PRR14L: variants seen among roughly 807,000 people sequenced by gnomAD.
PRR14L encodes proline rich 14 like.
Under a neutral mutation model 155.0 loss-of-function variants are expected in PRR14L, and 80 were observed. The ratio of observed to expected loss-of-function variants is 0.52; its 90% CI spans 0.43 to 0.62. The LOEUF (loss-of-function observed/expected upper bound fraction) is 0.62, where lower values mean the gene tolerates loss of function less well. Among genes scored for constraint, PRR14L ranks in the 20% least tolerant of loss-of-function variants. The pLI is 0.00. For synonymous variants in PRR14L, 883 were observed against 916.0 expected, an observed-to-expected ratio of 0.96 and a Z score of 0.65; for missense variants, 2,469 against 2,548.0, an observed-to-expected ratio of 0.97 and a Z score of 0.67.
rs2074564093 is a variant in PRR14L at position 31,701,707 on chromosome 22, A to G, written c.6056T>C (p.Ile2019Thr). The G allele has an allele frequency of 6.2e-7, 1 of 1,614,124 alleles. No homozygotes were observed. Among genetic ancestry groups the G allele is most frequent in the Non-Finnish European group, 8.5e-7 (1 of 1,179,994 alleles). Reference protein sequence around the residue: ...KVSQIRIRKTIPRPDPNLTPM... With the variant: ...KVSQIRIRKTTPRPDPNLTPM... ...GGTAAGATTAGGATCTGGCCTAGGAATGGTTTTCCGGATGCGAATCTGTGA... is the reference window on the plus strand; with the variant it reads ...GGTAAGATTAGGATCTGGCCTAGGAGTGGTTTTCCGGATGCGAATCTGTGA... The change falls in exon 7 of 9, where the codon ATT (isoleucine) becomes ACT (threonine). Residue 2019 changes from isoleucine to threonine, a missense_variant. By Grantham distance (89) the Ile-to-Thr change is moderately conservative. Coordinates refer to ENST00000327423, the MANE Select transcript of PRR14L (RefSeq NM_173566.3).
intron 7 of PRR14L, among the ~76,000 whole-genome samples, chr22:31,692,456 T>C (rs181983625): frequency 2.0e-5 from 3 of 152,332 alleles, no homozygotes; most frequent in Admixed American, 1.3e-4. Flanking sequence ...TGTGGGCCAT[T>C]TGTCTATCTT....
intron 1 of PRR14L, among the ~76,000 whole-genome samples, chr22:31,745,344 T>A (rs1329776879): frequency 6.6e-6 from 1 of 151,952 alleles, no homozygotes; most frequent in Non-Finnish European, 1.5e-5. Context: ...GCCACTGCAC[T>A]CCAGCCTGGG....
At position 31,684,356 on chromosome 22, in the gene PRR14L, C is replaced by A. The variant is rs1454088993; in HGVS notation, c.*1171G>T. 2 of 152,202 alleles carry A rather than the reference C, an allele frequency of 1.3e-5. No homozygotes were observed. The highest frequency in any genetic ancestry group is 2.9e-5 in the Non-Finnish European group (2 of 68,064). 9.4% of individuals were successfully genotyped at this position (152,202 alleles called of 1,614,324 possible). On this transcript the variant is annotated 3_prime_UTR_variant, in exon 9 of 9. Coordinates refer to ENST00000327423, the MANE Select transcript of PRR14L (RefSeq NM_173566.3). Reference sequence around the variant, plus strand: ...ACACATCTCTGGGTCTGAAACATGACCCCGACTCTCTCCCCACACTTGAAG... The same window carrying A: ...ACACATCTCTGGGTCTGAAACATGAACCCGACTCTCTCCCCACACTTGAAG...
intron 1 of PRR14L, among the ~76,000 whole-genome samples, chr22:31,748,352 G>A (rs1266347686): frequency 1.3e-5 from 2 of 152,188 alleles, no homozygotes; most frequent in Non-Finnish European, 2.9e-5. Flanking sequence ...TCAACATGGA[G>A]CGTGCAGAAA....
rs574613169 is a variant in PRR14L at position 31,745,853 on chromosome 22, A to ATAT, written c.-52+4139_-52+4140insATA. On this transcript the variant is annotated intron_variant, in intron 1 of 8. Coordinates refer to ENST00000327423, the MANE Select transcript of PRR14L (RefSeq NM_173566.3). ...GAGGGAGACTCAGTTTAAAAAAAAA[A>ATAT]AAAAAAAAATATATATATATATATA... Among the ~76,000 whole-genome samples the ATAT allele has an allele frequency of 3.7e-3, 534 of 145,964 alleles. 1 individual carries two copies. The highest frequency in any genetic ancestry group is 0.013 in the East Asian group (67 of 5,054).
chr22:31,698,578 T>C lies in PRR14L; in HGVS notation c.6107+3078A>G, dbSNP rs921152968. 6.0e-5 allele frequency among the ~76,000 whole-genome samples: 9 copies of C among 151,074 alleles called. No individual in the cohort carries two copies. In the East Asian group the frequency reaches 7.8e-4, roughly 13 times the overall value. On this transcript the variant is annotated intron_variant, in intron 7 of 8. Transcript: ENST00000327423. ...AATCATTGAGACTTATATAAATCAA[T>C]AGATTTAGTTCTGATTTTTACAATA... is the stretch of plus-strand genomic sequence containing the variant.
chr22:31,740,354 G>A (rs1253352180), intron 1 of PRR14L, among the ~76,000 whole-genome samples: 1 of 152,136 alleles, frequency 6.6e-6, no homozygotes, highest in Admixed American at 6.6e-5. Context: ...AGAGTAGCTG[G>A]GACTACAGGC....
chr22:31,741,961 G>T (rs2074815375), intron 1 of PRR14L, among the ~76,000 whole-genome samples: 1 of 152,072 alleles, frequency 6.6e-6, no homozygotes, highest in South Asian at 2.1e-4. Flanking sequence ...TCTTTCTAGG[G>T]GCACTTCAGA....
chr22:31,704,449 A>T (rs1229383256), intron 5 of PRR14L: 2 of 401,782 alleles, frequency 5.0e-6, no homozygotes, highest in Non-Finnish European at 9.0e-6. Context: ...TTTTTAACAA[A>T]TTGTATTATT....
chr22:31,744,020 T>TAAAA (rs750855516), intron 1 of PRR14L, among the ~76,000 whole-genome samples: 1 of 131,788 alleles, frequency 7.6e-6, no homozygotes. Flanking sequence ...GCTCATTCAT[T>TAAAA]AAAAAAAAAA....
rs987026798 is a variant in PRR14L at position 31,715,554 on chromosome 22, T to C, written c.2285A>G (p.Lys762Arg). The C allele has an allele frequency of 1.4e-5, 21 of 1,552,148 alleles. No homozygotes were observed. The highest frequency in any genetic ancestry group is 9.8e-5 in the East Asian group (4 of 40,926). ...TTGAGGAAAGCCAGCTGCTTCTCTC[T>C]TATTTGAGCGCAGCCTGGAATGTAG... Reference protein sequence around the residue: ...KALHSRLRSNKREAAGFPQVV... With the variant: ...KALHSRLRSNRREAAGFPQVV... The change falls in exon 4 of 9, where the codon AAG becomes AGG. Residue 762 changes from lysine (K) to arginine (R), a missense_variant. Transcript: ENST00000327423.
rs1303765440 is a variant in PRR14L, at chr22:31,713,049, G to A, written c.4790C>T (p.Pro1597Leu). The stretch of plus-strand genomic sequence containing the variant: ...ATTCAGGCTCCTCAAGGGATGGCAC[G>A]GTGTAGACATCTGCTTTGGTATGTG... ...VSHIPKQMST[P>L]CHPLRSLNFR... The change falls in exon 4 of 9, where the codon CCG becomes CTG. Residue 1597 changes from proline to leucine, a missense_variant. Around this residue, in one of 2 missense-constraint regions of PRR14L, gnomAD observed 2,363 missense variants for 2,371.6 expected, o/e 1.00. Coordinates refer to ENST00000327423, the MANE Select transcript of PRR14L (RefSeq NM_173566.3). 11 of 1,552,160 alleles carry A rather than the reference G, an allele frequency of 7.1e-6. 1 individual carries two copies. Among genetic ancestry groups the A allele is most frequent in the Middle Eastern group, 3.3e-4 (2 of 6,018 alleles).
At chr22:31,737,636 A>G (rs117118706) in intron 2 of PRR14L, among the ~76,000 whole-genome samples, 4,363 of 151,960 alleles carry the variant, frequency 0.029, 95 homozygotes, top group South Asian at 0.064. Context: ...AAAAAAAAAA[A>G]AAGAAGAAAA....
At chr22:31,746,094 A>G (rs1171711612) in intron 1 of PRR14L, among the ~76,000 whole-genome samples, 2 of 151,984 alleles carry the variant, frequency 1.3e-5, no homozygotes, top group African/African-American at 4.8e-5. Context: ...TGAACCCAGC[A>G]AATATTTTTA....
chr22:31,714,941 TG>T lies in PRR14L; in HGVS notation c.2897del (p.Ala966GlufsTer28). On this transcript the variant is annotated frameshift_variant, in exon 4 of 9. Transcript: ENST00000327423. LOFTEE classifies it high-confidence loss of function. ...VKSVETLDQK[A>X]DEVLDCQSNQ... ...TACTCTGACAGTCAAGGACTTCATC[TG>T]CCTTCTGATCGAGTGTTTCAACTGA... The T allele has an allele frequency of 6.4e-7, 1 of 1,552,064 alleles. No individual in the cohort carries two copies. Among genetic ancestry groups the T allele is most frequent in the Non-Finnish European group, 8.7e-7 (1 of 1,147,036 alleles).
At chr22:31,745,860 A>AT (rs1332578968) in intron 1 of PRR14L, among the ~76,000 whole-genome samples, 388 of 141,050 alleles carry the variant, frequency 2.8e-3, no homozygotes, top group Middle Eastern at 7.2e-3. Flanking sequence ...AAAAAAAAAA[A>AT]AATATATATA....
chr22:31,695,699 GGTT>G (rs1002075798), intron 7 of PRR14L, among the ~76,000 whole-genome samples: 43 of 152,228 alleles, frequency 2.8e-4, no homozygotes, highest in African/African-American at 8.9e-4. Context: ...TTGAGAAGGT[GGTT>G]GTTATTTCCT....
rs946896292 is a variant in PRR14L at position 31,712,922 on chromosome 22, C to A, written c.4917G>T (p.Arg1639=). The A allele has an allele frequency of 1.3e-6, 2 of 1,551,738 alleles. No homozygotes were observed. The highest frequency in any genetic ancestry group is 1.4e-5 in the African/African-American group (1 of 73,036). ...AMKTQKLRYR[R]CSSELLPMAK... ...CCATTGGAAGAAGTTCAGAGGAACA[C>A]CGTCGGTATCTTAGCTTCTGAGTCT... Residue 1639 remains arginine (R), a synonymous_variant, in exon 4 of 9, where the codon CGG becomes CGT. Transcript: ENST00000327423.
rs1350728532 is a variant in PRR14L at position 31,738,789 on chromosome 22, T to C, written c.72A>G (p.Leu24=). The C allele has an allele frequency of 6.4e-7, 1 of 1,551,498 alleles. No homozygotes were observed. Among genetic ancestry groups the C allele is most frequent in the Admixed American group, 2.0e-5 (1 of 50,984 alleles). The change falls in exon 2 of 9, where the codon TTA becomes TTG. Residue 24 remains leucine, a synonymous_variant. Coordinates refer to ENST00000327423, the MANE Select transcript of PRR14L (RefSeq NM_173566.3). The part of the protein sequence containing the change: ...DSSMSAVVQE[L]YSELPVSVSR... ...AGACACTTACTGGGAGTTCAGAGTA[T>C]AATTCCTGTACCACGGCAGACATGG...
Sources: allele counts gnomAD v4.1 joint callset (sites outside exome capture counted in the v4.1 genomes callset), GRCh38; gene constraint gnomAD v4.1.1; regional missense constraint gnomAD v4.1.1; transcripts MANE v1.5; gene names NCBI Gene and HGNC (gene_info 2026-07-23, HGNC 2026-07-21).